The following ANPEP variants were observed in gnomAD, a reference collection of about 807,000 sequenced individuals.
The protein encoded by ANPEP is aminopeptidase N.
In ANPEP, 70 loss-of-function variants were observed where a neutral mutation model predicts 114.6. The ratio of observed to expected loss-of-function variants is 0.61; its 90% CI spans 0.50 to 0.75. The LOEUF is 0.75. Among genes scored for constraint, ANPEP ranks in the 30% least tolerant of loss-of-function variants. The pLI is 0.00. For missense variants in ANPEP, 1,184 were observed against 1,259.5 expected, an observed-to-expected ratio of 0.94 and a Z score of 0.91; for synonymous variants, 548 against 522.3, an observed-to-expected ratio of 1.05 and a Z score of -0.67.
In ANPEP at chr15:89,804,895, G is replaced by A. The variant is rs1334947994; in HGVS notation, c.897+183C>T. On this transcript the variant is annotated intron_variant, in intron 4 of 20. Coordinates refer to ENST00000300060, the MANE Select transcript of ANPEP (RefSeq NM_001150.3). ...ACTCCCTTCATGAAGAGAAACCATT[G>A]TTTTCATTTTTCAGGTGCAGAAATG... 5.3e-6 allele frequency: 5 copies of A among 944,360 alleles called. No homozygotes were observed. The African/African-American group carries it at 8.3e-5, about 16-fold the overall frequency. 58.5% of individuals were successfully genotyped at this position (944,360 alleles called of 1,614,324 possible).
intron 15 of ANPEP, among the ~76,000 whole-genome samples, chr15:89,797,045 A>C (rs1011362579): frequency 6.6e-6 from 1 of 152,186 alleles, no homozygotes; most frequent in Non-Finnish European, 1.5e-5. Context: ...CAGCCCTCAA[A>C]TAGGCCCCTA....
rs25654 is a variant in ANPEP, at chr15:89,791,009, A to G, written c.2613T>C (p.Ile871=). 505,020 of 1,613,890 alleles carry G rather than the reference A, an allele frequency of 0.31. 80,534 individuals carry two copies. The highest frequency in any genetic ancestry group is 0.36 in the African/African-American group (27,300 of 74,950). The change falls in exon 19 of 21, where the codon ATT becomes ATC. Residue 871 remains isoleucine (I), a synonymous_variant. Transcript: ENST00000300060. ...CAAAGTCCCAGACCAGACCTTGCCCAATGACGTTGTTGGTAATGCTGATGA... is the reference window on the plus strand; with the variant it reads ...CAAAGTCCCAGACCAGACCTTGCCCGATGACGTTGTTGGTAATGCTGATGA... The part of the protein sequence containing the change: ...STIISITNNV[I]GQGLVWDFVQ...
chr15:89,790,885 G>C, intron 19 of ANPEP, 68 bp downstream of exon 19: 1 of 1,577,368 alleles, frequency 6.3e-7, no homozygotes, highest in Non-Finnish European at 8.6e-7. Context: ...TGTCTTACCC[G>C]CACAGGCCAC....
rs959438462 is a variant in ANPEP at position 89,785,043 on chromosome 15, G to A, written c.*306C>T. 4 of 348,276 alleles carry A rather than the reference G, an allele frequency of 1.1e-5. No individual in the cohort carries two copies. The highest frequency in any genetic ancestry group is 4.1e-5 in the African/African-American group (2 of 48,694). 21.6% of individuals were successfully genotyped at this position (348,276 alleles called of 1,614,324 possible). A position where few individuals can be genotyped will look rare whatever the true frequency, so the allele number is the denominator to read the frequency against. ...CAAGGCCGTTCATTGTCCATCGAGA[G>A]CTTCTGCTCATCTGGCCCTGGAGCT... is the stretch of plus-strand genomic sequence containing the variant. On this transcript the variant is annotated 3_prime_UTR_variant, in exon 21 of 21. Coordinates refer to ENST00000300060, the MANE Select transcript of ANPEP (RefSeq NM_001150.3).
intron 4 of ANPEP, 96 bp from the exon 5 acceptor site, chr15:89,804,713 G>T: frequency 2.6e-6 from 4 of 1,510,418 alleles, no homozygotes; most frequent in Non-Finnish European, 3.6e-6. Flanking sequence ...GGGGATCCCT[G>T]ATGGGCCAGG....
At position 89,803,719 on chromosome 15, in the gene ANPEP, C is replaced by T; in HGVS notation, c.1365G>A (p.Leu455=). 1 of 1,612,654 alleles carries T rather than the reference C, an allele frequency of 6.2e-7. No individual in the cohort carries two copies. The highest frequency in any genetic ancestry group is 8.5e-7 in the Non-Finnish European group (1 of 1,179,328). Residue 455 remains leucine, a synonymous_variant, in exon 8 of 21, where the codon CTG becomes CTA. Transcript: ENST00000300060. The surrounding 1 kb of genome is among the most constrained non-coding windows in gnomAD (Gnocchi z 4.2). ...TGTTGATCTCCGAGGCGGGTGTGGA[C>T]AGCGGGTGGGAGGAGGCCAGTGCAT... is the stretch of plus-strand genomic sequence containing the variant. ...AVDALASSHP[L]STPASEINTP...
chr15:89,811,924 T>G (rs1450454349), intron 1 of ANPEP, among the ~76,000 whole-genome samples: 1 of 152,230 alleles, frequency 6.6e-6, no homozygotes, highest in Non-Finnish European at 1.5e-5. Context: ...ATTTCTTCCC[T>G]GCCTATGTTT....
intron 5 of ANPEP, 40 bp from the exon 6 acceptor site, chr15:89,804,447 T>G (rs1596168959): frequency 6.2e-7 from 1 of 1,613,766 alleles, no homozygotes; most frequent in African/African-American, 1.3e-5. Flanking sequence ...ACTCCGGGAG[T>G]GGAGCTCCAT....
At position 89,803,647 on chromosome 15, in the gene ANPEP, C is replaced by T; in HGVS notation, c.1437G>A (p.Lys479=). Reference sequence around the variant, plus strand: ...GTGCCCCACGAGGAGCGGGCTGCACCTTGCTGTAGGAGATGGCGTCAAACA... The same window carrying T: ...GTGCCCCACGAGGAGCGGGCTGCACTTTGCTGTAGGAGATGGCGTCAAACA... ...SELFDAISYS[K]GASVLRMLSS... Residue 479 remains lysine (K), a splice_region_variant and synonymous_variant, in exon 8 of 21, where the codon AAG becomes AAA. Coordinates refer to ENST00000300060, the MANE Select transcript of ANPEP (RefSeq NM_001150.3). This position sits in a 1 kb window ranked among gnomAD's most constrained non-coding sequence, Gnocchi z 4.2. 1.2e-6 allele frequency: 2 copies of T among 1,610,940 alleles called. No homozygotes were observed. Among genetic ancestry groups the T allele is most frequent in the Non-Finnish European group, 1.7e-6 (2 of 1,178,330 alleles).
At position 89,814,071 on chromosome 15, in the gene ANPEP, G is replaced by A. The variant is rs529921183; in HGVS notation, c.-224+701C>T. On this transcript the variant is annotated intron_variant, in intron 1 of 20. Transcript: ENST00000300060. ...TTTAGGGGACCTTTTCCCAGACCAA[G>A]AGTGGATTGCAATGGGGCCCTGGAT... is the stretch of plus-strand genomic sequence containing the variant. 1.5e-4 allele frequency among the ~76,000 whole-genome samples: 22 copies of A among 151,324 alleles called. No individual in the cohort carries two copies. The East Asian group carries it at 3.5e-3, about 24-fold the overall frequency.
chr15:89,814,405 C>A (rs1038302748), intron 1 of ANPEP, among the ~76,000 whole-genome samples: 1 of 152,016 alleles, frequency 6.6e-6, no homozygotes, highest in East Asian at 1.9e-4. Flanking sequence ...ACAGAGTGGC[C>A]GCGGCCGAGC....
At chr15:89,794,110 G>C (rs956510644) in intron 15 of ANPEP, among the ~76,000 whole-genome samples, 6 of 152,242 alleles carry the variant, frequency 3.9e-5, no homozygotes, top group Non-Finnish European at 8.8e-5. Context: ...ACCAGGCTTG[G>C]CAGAGTGGGA....
chr15:89,804,702 G>A (rs570652671), intron 4 of ANPEP, 85 bp from the exon 5 acceptor site: 32 of 1,544,006 alleles, frequency 2.1e-5, no homozygotes, highest in Non-Finnish European at 2.7e-5. Flanking sequence ...CAGTGGGCTG[G>A]GGGGATCCCT....
At chr15:89,790,857 T>C in intron 19 of ANPEP, 96 bp downstream of exon 19, 3 of 1,485,754 alleles carry the variant, frequency 2.0e-6, no homozygotes, top group Admixed American at 2.0e-5. Context: ...TGTCCACTTC[T>C]GGTTAGTGCC....
At chr15:89,813,998 G>GC (rs1052058418) in intron 1 of ANPEP, among the ~76,000 whole-genome samples, 1 of 149,068 alleles carries the variant, frequency 6.7e-6, no homozygotes, top group Non-Finnish European at 1.5e-5. Context: ...TGCTGGGGGG[G>GC]GGGGGTGCGT....
In ANPEP at chr15:89,806,416, G is replaced by T. The variant is rs749580594; in HGVS notation, c.168C>A (p.Thr56=). ...AGGTGGTGGCCGAGGCGGGGTTGGT[G>T]GTGGCTGAGGCGGACGGGGTGGTGG... ...VASTTPSASA[T]TNPASATTLD... The change falls in exon 2 of 21, where the codon ACC becomes ACA. Residue 56 remains threonine (T), a synonymous_variant. Coordinates refer to ENST00000300060, the MANE Select transcript of ANPEP (RefSeq NM_001150.3). The surrounding 1 kb of genome is among the most constrained non-coding windows in gnomAD (Gnocchi z 5.7). 13 of 1,613,980 alleles carry T rather than the reference G, an allele frequency of 8.1e-6. No individual in the cohort carries two copies. The highest frequency in any genetic ancestry group is 1.1e-5 in the Non-Finnish European group (13 of 1,180,008).
At position 89,803,874 on chromosome 15, in the gene ANPEP, G is replaced by T; in HGVS notation, c.1293+15C>A. 6.2e-7 allele frequency: 1 copy of T among 1,614,110 alleles called. No homozygotes were observed. On this transcript the variant is annotated intron_variant, in intron 7 of 20. Coordinates refer to ENST00000300060, the MANE Select transcript of ANPEP (RefSeq NM_001150.3). The surrounding 1 kb of genome is among the most constrained non-coding windows in gnomAD (Gnocchi z 4.2). ...TCCATGCCCCCCGCACCAGACCCCTGGGCAGCTGGCTTACCAAGTTCCAGG... is the reference window on the plus strand; with the variant it reads ...TCCATGCCCCCCGCACCAGACCCCTTGGCAGCTGGCTTACCAAGTTCCAGG...
rs551867896 is a variant in ANPEP, at chr15:89,792,225, C to T, written c.2463G>A (p.Leu821=). ...FAWEQFRNAT[L]VNEADKLRAA... The stretch of plus-strand genomic sequence containing the variant: ...CCCGGAGCTTGTCAGCCTCATTGAC[C>T]AGTGTGGCATTTCGGAACTGCTCCC... The change falls in exon 18 of 21, where the codon CTG becomes CTA. Residue 821 remains leucine, a synonymous_variant. Coordinates refer to ENST00000300060, the MANE Select transcript of ANPEP (RefSeq NM_001150.3). The T allele has an allele frequency of 3.1e-6, 5 of 1,614,226 alleles. No individual in the cohort carries two copies. In the South Asian group the frequency reaches 3.3e-5, roughly 11 times the overall value.
rs749297050 is a variant in ANPEP, at chr15:89,790,537, C to T, written c.2674G>A (p.Gly892Ser). The change falls in exon 20 of 21, where the codon GGT becomes AGT. Residue 892 changes from glycine (G) to serine (S), a missense_variant. Gly to Ser is a moderately conservative substitution (Grantham distance 56). Coordinates refer to ENST00000300060, the MANE Select transcript of ANPEP (RefSeq NM_001150.3). The stretch of plus-strand genomic sequence containing the variant: ...TTGGAGAAGGAGAACGAGCCACCAC[C>T]ATAACTGCAGGGAGGGAGAGAGGTG... ...SNWKKLFNDY[G>S]GGSFSFSNLI... 5.0e-6 allele frequency: 8 copies of T among 1,613,756 alleles called. No individual in the cohort carries two copies. The highest frequency in any genetic ancestry group is 1.6e-4 in the Middle Eastern group (1 of 6,062).
Sources: allele counts gnomAD v4.1 joint callset (sites outside exome capture counted in the v4.1 genomes callset), GRCh38; gene constraint gnomAD v4.1.1; non-coding constraint Gnocchi (gnomAD v3.1); transcripts MANE v1.5; gene names NCBI Gene and HGNC (gene_info 2026-07-23, HGNC 2026-07-21).